Variants in CHST8 observed in about 807,000 individuals in gnomAD.
CHST8 encodes carbohydrate sulfotransferase 8, also known as GALNAC-4-ST1.
A neutral mutation model predicts 15.0 loss-of-function variants in CHST8; 10 were observed. The observed-to-expected ratio is 0.67, with a 90% CI of 0.41 to 1.13. The LOEUF (loss-of-function observed/expected upper bound fraction) is 1.13, where lower values mean the gene tolerates loss of function less well. Among genes scored for constraint, CHST8 ranks in the 50% most tolerant of loss-of-function variants. CHST8 has a pLI of 0.00. For missense variants in CHST8, 634 were observed against 608.2 expected (o/e 1.04, Z -0.45); for synonymous variants, 259 against 256.6 (o/e 1.01, Z -0.09).
intron 3 of CHST8, among the ~76,000 whole-genome samples, chr19:33,768,221 G>A (rs1308808281): frequency 1.3e-5 from 2 of 152,146 alleles, no homozygotes; most frequent in Non-Finnish European, 2.9e-5. Context: ...GGGGACACTA[G>A]GTTCACGGCA....
intron 1 of CHST8, among the ~76,000 whole-genome samples, chr19:33,637,671 G>A (rs1972222965): frequency 6.9e-5 from 10 of 145,876 alleles, no homozygotes; most frequent in Admixed American, 6.7e-4. Flanking sequence ...CAAAGTGCTG[G>A]GATTACAGGC....
At chr19:33,708,098 G>T (rs1227779210) in intron 3 of CHST8, among the ~76,000 whole-genome samples, 1 of 151,948 alleles carries the variant, frequency 6.6e-6, no homozygotes, top group Non-Finnish European at 1.5e-5. Flanking sequence ...TTAAAAATTG[G>T]TTTATTTATC....
intron 3 of CHST8, among the ~76,000 whole-genome samples, chr19:33,770,964 G>A (rs1206572423): frequency 6.6e-6 from 1 of 152,196 alleles, no homozygotes; most frequent in Non-Finnish European, 1.5e-5. Context: ...AGAATCCACA[G>A]TGGCCAGAAC....
chr19:33,645,946 G>A (rs973938662), intron 1 of CHST8, among the ~76,000 whole-genome samples: 1 of 152,184 alleles, frequency 6.6e-6, no homozygotes, highest in Admixed American at 6.5e-5. Context: ...GGGCAACATG[G>A]CGATACCCCA....
intron 1 of CHST8, among the ~76,000 whole-genome samples, chr19:33,642,728 G>A (rs747818905): frequency 3.3e-5 from 5 of 152,218 alleles, no homozygotes; most frequent in Non-Finnish European, 5.9e-5. Flanking sequence ...AAGTCTTACC[G>A]TCCTTTGAAT....
chr19:33,659,814 A>G (rs1395917520), intron 1 of CHST8, among the ~76,000 whole-genome samples: 1 of 152,200 alleles, frequency 6.6e-6, no homozygotes. Flanking sequence ...CTGTTTAAAA[A>G]AAAAATAAAA....
At chr19:33,628,369 G>A (rs1038210392) in intron 1 of CHST8, among the ~76,000 whole-genome samples, 14 of 152,204 alleles carry the variant, frequency 9.2e-5, no homozygotes, top group African/African-American at 2.9e-4. Context: ...TTTATCCTAT[G>A]AACTGCTGCA....
rs1672055643 is a variant in CHST8, at chr19:33,772,919, C to T, written c.1131C>T (p.His377=). The change falls in exon 5 of 5, where the codon CAC becomes CAT. Residue 377 remains histidine (H), a synonymous_variant. Coordinates refer to ENST00000650847, the MANE Select transcript of CHST8 (RefSeq NM_001127895.2). ...NLTFPRFKDR[H]SQEARTTARI... ...CCTTCCCCCGGTTCAAGGACCGGCA[C>T]TCGCAGGAGGCGCGGACCACAGCGA... is the stretch of plus-strand genomic sequence containing the variant. 3 of 1,613,520 alleles carry T rather than the reference C, an allele frequency of 1.9e-6. No homozygotes were observed. Among genetic ancestry groups the T allele is most frequent in the South Asian group, 1.1e-5 (1 of 91,086 alleles).
chr19:33,657,684 G>T (rs920501891), intron 1 of CHST8, among the ~76,000 whole-genome samples: 3 of 150,254 alleles, frequency 2.0e-5, no homozygotes, highest in African/African-American at 7.4e-5. Flanking sequence ...TCCTCTCACA[G>T]CAGCCTCTCA....
chr19:33,741,857 A>G (rs546435659), intron 3 of CHST8, among the ~76,000 whole-genome samples: 141 of 152,230 alleles, frequency 9.3e-4, no homozygotes, highest in Non-Finnish European at 2.8e-4. Context: ...GATCAAGGAC[A>G]TGGGGGTTTT....
intron 3 of CHST8, among the ~76,000 whole-genome samples, chr19:33,717,901 G>A (rs766546138): frequency 1.3e-5 from 2 of 152,162 alleles, no homozygotes; most frequent in Non-Finnish European, 1.5e-5. Flanking sequence ...GACTCTATCT[G>A]CAGTCACATT....
chr19:33,677,367 C>T (rs4805924), intron 2 of CHST8, among the ~76,000 whole-genome samples: 5,284 of 152,292 alleles, frequency 0.035, 149 homozygotes, highest in South Asian at 0.1. Context: ...GCATGTGAAA[C>T]CCAGGATGGT....
intron 1 of CHST8, among the ~76,000 whole-genome samples, chr19:33,665,154 G>A (rs1191124121): frequency 6.6e-6 from 1 of 151,916 alleles, no homozygotes; most frequent in Non-Finnish European, 1.5e-5. Flanking sequence ...TAGTTTTTTT[G>A]TGGAATCTCC....
intron 3 of CHST8, among the ~76,000 whole-genome samples, chr19:33,691,486 T>C (rs1324471936): frequency 6.6e-6 from 1 of 152,246 alleles, no homozygotes; most frequent in Non-Finnish European, 1.5e-5. Context: ...GCTGTTTGTG[T>C]TGATTTGTTA....
At chr19:33,728,431 T>A (rs1284514295) in intron 3 of CHST8, among the ~76,000 whole-genome samples, 3 of 152,150 alleles carry the variant, frequency 2.0e-5, no homozygotes, top group African/African-American at 7.2e-5. Context: ...CCCTCAACAG[T>A]GATGTCTTTC....
intron 3 of CHST8, among the ~76,000 whole-genome samples, chr19:33,736,640 A>T (rs1974088609): frequency 6.6e-6 from 1 of 151,702 alleles, no homozygotes; most frequent in African/African-American, 2.4e-5. Context: ...GGGAGGTCTC[A>T]TGTGTCAGGG....
At chr19:33,664,735 TC>T (rs1464363526) in intron 1 of CHST8, among the ~76,000 whole-genome samples, 1 of 151,994 alleles carries the variant, frequency 6.6e-6, no homozygotes, top group Admixed American at 6.6e-5. Flanking sequence ...TTTGCTTTTT[TC>T]CCCCCTTTAT....
intron 3 of CHST8, among the ~76,000 whole-genome samples, chr19:33,713,599 T>G (rs1349000526): frequency 2.0e-5 from 3 of 152,074 alleles, no homozygotes; most frequent in African/African-American, 4.8e-5. Flanking sequence ...AGAGTCTTGC[T>G]CTGTTGCCCT....
chr19:33,663,811 A>T (rs1478116922), intron 1 of CHST8, among the ~76,000 whole-genome samples: 2 of 152,134 alleles, frequency 1.3e-5, no homozygotes, highest in Non-Finnish European at 2.9e-5. Flanking sequence ...TGGAGTTTGC[A>T]GTGAGCCGAG....
Sources: allele counts gnomAD v4.1 joint callset (sites outside exome capture counted in the v4.1 genomes callset), GRCh38; gene constraint gnomAD v4.1.1; transcripts MANE v1.5; gene names NCBI Gene and HGNC (gene_info 2026-07-23, HGNC 2026-07-21).